FARS2: variants seen among roughly 807,000 people sequenced by gnomAD.
FARS2 encodes phenylalanyl-tRNA synthetase 2, mitochondrial.
Under a neutral mutation model 46.4 loss-of-function variants are expected in FARS2, and 40 were observed. The observed-to-expected ratio is 0.86, with a 90% CI of 0.67 to 1.12. The LOEUF (loss-of-function observed/expected upper bound fraction) is 1.12. Among genes scored for constraint, FARS2 ranks in the 50% most tolerant of loss-of-function variants. The probability of loss-of-function intolerance (pLI) is 0.00; values close to 1 mark genes in which losing one functional copy is unlikely to be tolerated. For synonymous variants in FARS2, 234 were observed against 214.9 expected, an observed-to-expected ratio of 1.09 and a Z score of -0.78; for missense variants, 513 against 567.9, an observed-to-expected ratio of 0.90 and a Z score of 0.98.
At chr6:5,564,951 C>T (rs1772239549) in intron 5 of FARS2, among the ~76,000 whole-genome samples, 1 of 152,248 alleles carries the variant, frequency 6.6e-6, no homozygotes, top group Middle Eastern at 3.4e-3. Context: ...TTGCCTGTCA[C>T]GCTTGATTCC....
chr6:5,540,323 G>C (rs1770544535), intron 4 of FARS2, among the ~76,000 whole-genome samples: 1 of 152,116 alleles, frequency 6.6e-6, no homozygotes, highest in Admixed American at 6.5e-5. Flanking sequence ...CTTCAATGCT[G>C]TTACTTCTGA....
At position 5,680,086 on chromosome 6, in the gene FARS2, C is replaced by T. The variant is rs542730255; in HGVS notation, c.1217+66766C>T. On this transcript the variant is annotated intron_variant, in intron 6 of 6. Transcript: ENST00000274680. The stretch of plus-strand genomic sequence containing the variant: ...ATCTTTCCTTCTTGCTACATAATCA[C>T]AGTTATTTTAATGATTATTTGATTT... Among the ~76,000 whole-genome samples the T allele has an allele frequency of 1.3e-4, 20 of 152,296 alleles. 1 individual carries two copies. The South Asian group carries it at 3.9e-3, about 30-fold the overall frequency.
At chr6:5,536,793 G>A (rs1770232398) in intron 4 of FARS2, among the ~76,000 whole-genome samples, 1 of 152,204 alleles carries the variant, frequency 6.6e-6, no homozygotes, top group Admixed American at 6.5e-5. Context: ...AGGAGAGAAT[G>A]AGAAAGATCT....
chr6:5,567,218 G>A (rs1351317671), intron 5 of FARS2, among the ~76,000 whole-genome samples: 1 of 152,200 alleles, frequency 6.6e-6, no homozygotes, highest in Non-Finnish European at 1.5e-5. Flanking sequence ...ATGGTGTGAG[G>A]TGGTATCTCA....
At chr6:5,269,387 C>T (rs1765786169) in intron 1 of FARS2, among the ~76,000 whole-genome samples, 1 of 149,936 alleles carries the variant, frequency 6.7e-6, no homozygotes, top group East Asian at 2.0e-4. Context: ...TACCTAATGC[C>T]AGCATGGCAC....
chr6:5,542,031 TA>T (rs1266064805), intron 4 of FARS2, among the ~76,000 whole-genome samples: 12 of 152,220 alleles, frequency 7.9e-5, no homozygotes, highest in Non-Finnish European at 1.8e-4. Context: ...AATTAGCATA[TA>T]ACCAGCAATG....
At position 5,394,423 on chromosome 6, in the gene FARS2, A is replaced by G. The variant is rs530474189; in HGVS notation, c.613-10119A>G. ...GCTATACTTCATAGCCTAGGTGTGCATAGTGGGCTATACCATCTAGGTTTG... is the reference window on the plus strand; with the variant it reads ...GCTATACTTCATAGCCTAGGTGTGCGTAGTGGGCTATACCATCTAGGTTTG... On this transcript the variant is annotated intron_variant, in intron 2 of 6. Coordinates refer to ENST00000274680, the MANE Select transcript of FARS2 (RefSeq NM_006567.5). 1.2e-4 allele frequency among the ~76,000 whole-genome samples: 19 copies of G among 152,314 alleles called. No homozygotes were observed. In the South Asian group the frequency reaches 3.5e-3, roughly 28 times the overall value.
intron 4 of FARS2, among the ~76,000 whole-genome samples, chr6:5,493,591 A>G (rs1163781871): frequency 1.3e-5 from 2 of 152,184 alleles, no homozygotes; most frequent in African/African-American, 2.4e-5. Context: ...TCTAACTTCT[A>G]GCTGTATTGC....
intron 1 of FARS2, among the ~76,000 whole-genome samples, chr6:5,340,930 A>G (rs1771511231): frequency 6.6e-6 from 1 of 151,602 alleles, no homozygotes; most frequent in Non-Finnish European, 1.5e-5. Context: ...GGCGGATCAC[A>G]AGGTCAGAAG....
chr6:5,301,311 C>G (rs543386176), intron 1 of FARS2, among the ~76,000 whole-genome samples: 2 of 152,170 alleles, frequency 1.3e-5, no homozygotes, highest in Non-Finnish European at 2.9e-5. Flanking sequence ...AAAGTTTGGG[C>G]ATAGTGGCAT....
At position 5,431,058 on chromosome 6, in the gene FARS2, G is replaced by A. The variant is rs368336020; in HGVS notation, c.790G>A (p.Val264Ile). The change falls in exon 4 of 7, where the codon GTA becomes ATA. Residue 264 changes from valine to isoleucine, a missense_variant. By Grantham distance (29) the Val-to-Ile change is conservative. Coordinates refer to ENST00000274680, the MANE Select transcript of FARS2 (RefSeq NM_006567.5). ...LFGDELEIRW[V>I]DCYFPFTHPS... ...CTTTGCAGAGCTGGAGATAAGATGG[G>A]TAGACTGCTACTTCCCTTTTACACA... 1 of 1,613,664 alleles carries A rather than the reference G, an allele frequency of 6.2e-7. No individual in the cohort carries two copies. Among genetic ancestry groups the A allele is most frequent in the African/African-American group, 1.3e-5 (1 of 74,898 alleles).
At chr6:5,398,099 A>G (rs1761016575) in intron 2 of FARS2, among the ~76,000 whole-genome samples, 1 of 152,144 alleles carries the variant, frequency 6.6e-6, no homozygotes, top group Non-Finnish European at 1.5e-5. Context: ...ATTCTCCGCC[A>G]TTATTATTTT....
intron 5 of FARS2, among the ~76,000 whole-genome samples, chr6:5,579,172 CT>C (rs2150576511): frequency 1.3e-5 from 2 of 152,292 alleles, no homozygotes; most frequent in East Asian, 3.9e-4. Flanking sequence ...CTGGAAGTTG[CT>C]ATATGTACTT....
rs770597592 is a variant in FARS2 at position 5,613,259 on chromosome 6, C to T, written c.1156C>T (p.Arg386Ter). The stretch of plus-strand genomic sequence containing the variant: ...AGAAAATGATTTCTATGACTTAGTC[C>T]GAACAATTGGAGGAGACCTGGTGGA... ...YAENDFYDLV[R>*]TIGGDLVEKV... Residue 386 changes from arginine (R) to a stop codon, truncating the protein, a stop_gained, in exon 6 of 7, where the codon CGA becomes TGA. Transcript: ENST00000274680. LOFTEE classifies it high-confidence loss of function. 8.1e-6 allele frequency: 13 copies of T among 1,613,180 alleles called. No individual in the cohort carries two copies. The highest frequency in any genetic ancestry group is 2.7e-5 in the African/African-American group (2 of 74,848).
intron 4 of FARS2, among the ~76,000 whole-genome samples, chr6:5,539,396 A>ATATATATATATGTATG (rs1024662143): frequency 7.3e-6 from 1 of 136,492 alleles, no homozygotes. Flanking sequence ...ATATATATAT[A>ATATATATATATGTATG]TATGTATATA....
At chr6:5,766,611 T>C (rs1324442409) in intron 6 of FARS2, among the ~76,000 whole-genome samples, 1 of 152,236 alleles carries the variant, frequency 6.6e-6, no homozygotes, top group Non-Finnish European at 1.5e-5. Context: ...AGGAAGAGGG[T>C]GACAGTTAAT....
chr6:5,415,238 G>A (rs145202349), intron 3 of FARS2, among the ~76,000 whole-genome samples: 5 of 150,438 alleles, frequency 3.3e-5, no homozygotes, highest in African/African-American at 1.2e-4. Context: ...TATAGTCATT[G>A]TAATTTTAGC....
intron 1 of FARS2, among the ~76,000 whole-genome samples, chr6:5,283,452 G>A (rs1038249320): frequency 1.3e-5 from 2 of 151,026 alleles, no homozygotes; most frequent in Non-Finnish European, 1.5e-5. Flanking sequence ...GGGAGGCTGA[G>A]GCAGGAGAAT....
intron 4 of FARS2, among the ~76,000 whole-genome samples, chr6:5,515,139 G>A (rs1768709980): frequency 6.6e-6 from 1 of 152,050 alleles, no homozygotes; most frequent in South Asian, 2.1e-4. Flanking sequence ...GGAAATAATA[G>A]CAAATAGTAA....
Sources: gnomAD v4.1 joint callset for allele counts (sites outside exome capture counted in the v4.1 genomes callset) on GRCh38, gnomAD v4.1.1 for gene constraint, MANE v1.5 for transcripts, NCBI Gene and HGNC (gene_info 2026-07-23, HGNC 2026-07-21) for gene names.